The following CACNA1I variants were observed in gnomAD, a reference collection of about 807,000 sequenced individuals.
The protein encoded by CACNA1I is calcium voltage-gated channel subunit alpha1 I.
Under a neutral mutation model 201.6 loss-of-function variants are expected in CACNA1I, and 74 were observed. That is an observed-to-expected ratio of 0.37 (90% CI 0.30 to 0.45). CACNA1I has a LOEUF of 0.45. CACNA1I is among the 20% of genes least tolerant of loss of function. The pLI is 1.00. For missense variants in CACNA1I, 2,346 were observed against 3,138.1 expected, an observed-to-expected ratio of 0.75 and a Z score of 6.03; for synonymous variants, 1,431 against 1,345.2, an observed-to-expected ratio of 1.06 and a Z score of -1.40.
Position 39,676,430 on chromosome 22 carries a change from C to T in CACNA1I, c.4855-911C>T, listed in dbSNP as rs562122121. Among the ~76,000 whole-genome samples the T allele has an allele frequency of 2.7e-4, 41 of 152,294 alleles. No homozygotes were observed. Among genetic ancestry groups the T allele is most frequent in the African/African-American group, 7.9e-4 (33 of 41,554 alleles). On this transcript the variant is annotated intron_variant, in intron 29 of 36. Coordinates refer to ENST00000402142, the MANE Select transcript of CACNA1I (RefSeq NM_021096.4). The surrounding 1 kb of genome is among the most constrained non-coding windows in gnomAD (Gnocchi z 4.8). ...ATGGGGTTTACTTTTCAGCAGTTAA[C>T]GTGAACGTTTTCTGAGGGTTCTAAG...
chr22:39,662,513 C>G, intron 17 of CACNA1I, 78 bp downstream of exon 17: 1 of 1,162,506 alleles, frequency 8.6e-7, no homozygotes. Context: ...GAGGCGGGGC[C>G]CGAGCGGGCG....
chr22:39,591,042 GAGGTCTCACTATGTTGCCC>G (rs1467057660), intron 1 of CACNA1I, among the ~76,000 whole-genome samples: 2 of 148,966 alleles, frequency 1.3e-5, no homozygotes, highest in East Asian at 3.9e-4. Context: ...TTGCAGATAT[GAGGTCTCACTATGTTGCCC>G]AGGCTGGTCT....
In CACNA1I at chr22:39,684,118, C is replaced by T. The variant is rs1295271012; in HGVS notation, c.5831-184C>T. Among the ~76,000 whole-genome samples, 1 of 152,240 alleles carries T rather than the reference C, an allele frequency of 6.6e-6. No homozygotes were observed. ...TCAAAAGGGCTGCTTCAGGATTTCT[C>T]TCTTGCTCTCACAATGGGGAAACGA... On this transcript the variant is annotated intron_variant, in intron 35 of 36. Coordinates refer to ENST00000402142, the MANE Select transcript of CACNA1I (RefSeq NM_021096.4). The surrounding 1 kb of genome is among the most constrained non-coding windows in gnomAD (Gnocchi z 4.6).
chr22:39,620,212 CATCT>C (rs1933699478), intron 4 of CACNA1I, among the ~76,000 whole-genome samples: 1 of 151,422 alleles, frequency 6.6e-6, no homozygotes, highest in African/African-American at 2.4e-5. Context: ...CCCGTCCATC[CATCT>C]ACCTGTCCAC....
At chr22:39,623,349 T>A (rs1040119190) in intron 4 of CACNA1I, among the ~76,000 whole-genome samples, 1 of 151,840 alleles carries the variant, frequency 6.6e-6, no homozygotes. Flanking sequence ...TGACAATGTG[T>A]GCATCTGAGG....
At chr22:39,635,838 C>G (rs1934201535) in intron 5 of CACNA1I, among the ~76,000 whole-genome samples, 1 of 152,140 alleles carries the variant, frequency 6.6e-6, no homozygotes, top group South Asian at 2.1e-4. Context: ...GTGGGCTCAG[C>G]CCACCTGACA....
At chr22:39,631,545 G>A (rs1342182142) in intron 4 of CACNA1I, among the ~76,000 whole-genome samples, 1 of 152,238 alleles carries the variant, frequency 6.6e-6, no homozygotes, top group African/African-American at 2.4e-5. Context: ...AATCAGGGAG[G>A]ACTGCCTGGA....
At chr22:39,625,963 G>A (rs759493647) in intron 4 of CACNA1I, among the ~76,000 whole-genome samples, 5 of 152,156 alleles carry the variant, frequency 3.3e-5, no homozygotes, top group Admixed American at 6.5e-5. Context: ...TCACTGCCAA[G>A]GCCTGGCCAG....
intron 5 of CACNA1I, among the ~76,000 whole-genome samples, chr22:39,637,916 G>A (rs996002847): frequency 1.3e-5 from 2 of 152,040 alleles, no homozygotes; most frequent in Non-Finnish European, 2.9e-5. Context: ...CTAGCTTTGT[G>A]TATGGTTTGT....
intron 8 of CACNA1I, among the ~76,000 whole-genome samples, chr22:39,647,230 C>T (rs1329000531): frequency 6.6e-6 from 1 of 152,184 alleles, no homozygotes; most frequent in Non-Finnish European, 1.5e-5. Flanking sequence ...AAAATTCTTC[C>T]CCCCCACTGC....
rs1411960206 is a variant in CACNA1I at position 39,685,535 on chromosome 22, C to G, written c.6028-226C>G. Among the ~76,000 whole-genome samples the G allele has an allele frequency of 2.0e-5, 3 of 151,538 alleles. No individual in the cohort carries two copies. The highest frequency in any genetic ancestry group is 2.9e-5 in the Non-Finnish European group (2 of 67,886). On this transcript the variant is annotated intron_variant, in intron 36 of 36. Coordinates refer to ENST00000402142, the MANE Select transcript of CACNA1I (RefSeq NM_021096.4). This position sits in a 1 kb window ranked among gnomAD's most constrained non-coding sequence, Gnocchi z 5.0. ...TGTGACGGGCAGGGCCGGGTCTGAC[C>G]TGGGTTTGAGGCGGATGCTAGCTCC...
chr22:39,676,202 A>G lies in CACNA1I; in HGVS notation c.4855-1139A>G, dbSNP rs1935508425. On this transcript the variant is annotated intron_variant, in intron 29 of 36. Transcript: ENST00000402142. The surrounding 1 kb of genome is among the most constrained non-coding windows in gnomAD (Gnocchi z 4.8). ...GCCCCCGCCGGCCTGTGCAGGGCAC[A>G]AAGCTGAATTCCTAGAGCCGCGACC... Among the ~76,000 whole-genome samples the G allele has an allele frequency of 6.6e-6, 1 of 152,252 alleles. No homozygotes were observed. The highest frequency in any genetic ancestry group is 1.5e-5 in the Non-Finnish European group (1 of 68,040).
At chr22:39,632,363 C>T (rs1934089886) in intron 4 of CACNA1I, among the ~76,000 whole-genome samples, 1 of 152,300 alleles carries the variant, frequency 6.6e-6, no homozygotes, top group Admixed American at 6.5e-5. Flanking sequence ...CCTCCTTGCC[C>T]AGCCACCCAG....
At chr22:39,609,060 G>A (rs1933306799) in intron 3 of CACNA1I, among the ~76,000 whole-genome samples, 1 of 143,204 alleles carries the variant, frequency 7.0e-6, no homozygotes, top group African/African-American at 2.6e-5. Context: ...ACTTCAAAAG[G>A]CAAAGGTAAT....
At chr22:39,670,305 G>A (rs1935331893) in intron 25 of CACNA1I, 75 bp downstream of exon 25, 5 of 1,441,070 alleles carry the variant, frequency 3.5e-6, no homozygotes, top group Non-Finnish European at 4.7e-6. Context: ...CCAGCCTCCT[G>A]AGCCTTTGGA....
intron 1 of CACNA1I, among the ~76,000 whole-genome samples, chr22:39,597,171 C>G (rs1387372282): frequency 2.6e-5 from 4 of 152,202 alleles, no homozygotes; most frequent in Non-Finnish European, 5.9e-5. Context: ...ACTCAGTCAA[C>G]TGGAGATCCC....
intron 3 of CACNA1I, among the ~76,000 whole-genome samples, chr22:39,613,297 G>A (rs914592070): frequency 6.6e-6 from 1 of 152,144 alleles, no homozygotes; most frequent in African/African-American, 2.4e-5. Flanking sequence ...CCCAGCAGGG[G>A]CTCTGAGCCA....
At chr22:39,657,448 C>G (rs556293420) in intron 10 of CACNA1I, among the ~76,000 whole-genome samples, 1 of 152,272 alleles carries the variant, frequency 6.6e-6, no homozygotes, top group Admixed American at 6.5e-5. Context: ...TACATTGTGT[C>G]CACCGTCCTT....
Position 39,646,835 on chromosome 22 carries a change from G to T in CACNA1I, c.1416G>T (p.Pro472=), listed in dbSNP as rs201381034. Residue 472 remains proline (P), a synonymous_variant, in exon 8 of 37, where the codon CCG becomes CCT. Coordinates refer to ENST00000402142, the MANE Select transcript of CACNA1I (RefSeq NM_021096.4). The part of the protein sequence containing the change: ...SRRQALGPEA[P]APAKPGPHAK... ...GCCAGGCCCTGGGCCCGGAGGCCCC[G>T]GCCCCCGCCAAACCTGGGCCCCACG... 3.9e-4 allele frequency: 598 copies of T among 1,536,008 alleles called. 5 individuals carry two copies. In the African/African-American group the frequency reaches 7.8e-3, roughly 20 times the overall value.
Sources: allele counts gnomAD v4.1 joint callset (sites outside exome capture counted in the v4.1 genomes callset), GRCh38; gene constraint gnomAD v4.1.1; non-coding constraint Gnocchi (gnomAD v3.1); transcripts MANE v1.5; gene names NCBI Gene and HGNC (gene_info 2026-07-23, HGNC 2026-07-21).